Variants in HDAC9 observed in about 807,000 individuals in gnomAD.
The protein encoded by HDAC9 is histone deacetylase 9.
A neutral mutation model predicts 139.4 loss-of-function variants in HDAC9; 41 were observed. The ratio of observed to expected loss-of-function variants is 0.29; its 90% CI spans 0.23 to 0.38. HDAC9 has a LOEUF of 0.38. HDAC9 is among the 10% of genes least tolerant of loss of function. The pLI, the probability that HDAC9 is intolerant of heterozygous loss-of-function variation, is 1.00. For synonymous variants in HDAC9, 517 were observed against 476.2 expected, an observed-to-expected ratio of 1.09 and a Z score of -1.12; for missense variants, 1,147 against 1,297.0, an observed-to-expected ratio of 0.88 and a Z score of 1.78.
At chr7:18,345,816 C>T (rs568673918) in intron 1 of HDAC9, among the ~76,000 whole-genome samples, 1 of 151,724 alleles carries the variant, frequency 6.6e-6, no homozygotes, top group East Asian at 1.9e-4. Context: ...TTTTTTTCCC[C>T]TTTTACCTGT....
intron 24 of HDAC9, among the ~76,000 whole-genome samples, chr7:18,971,921 C>T (rs531270832): frequency 6.6e-6 from 1 of 152,322 alleles, no homozygotes; most frequent in Non-Finnish European, 1.5e-5. Context: ...GTCAGTCATT[C>T]TTCTTAAAGA....
intron 11 of HDAC9, among the ~76,000 whole-genome samples, chr7:18,660,463 G>A (rs1792759419): frequency 6.6e-6 from 1 of 152,228 alleles, no homozygotes; most frequent in Non-Finnish European, 1.5e-5. Context: ...TTGTTACTAA[G>A]CATTAATAAT....
At chr7:18,356,771 C>T (rs1385706542) in intron 1 of HDAC9, among the ~76,000 whole-genome samples, 6 of 151,864 alleles carry the variant, frequency 4.0e-5, no homozygotes, top group African/African-American at 1.4e-4. Flanking sequence ...CAGATCGCAT[C>T]GGAAGAATCC....
intron 1 of HDAC9, among the ~76,000 whole-genome samples, chr7:18,344,123 C>T (rs1429953481): frequency 6.6e-6 from 1 of 151,686 alleles, no homozygotes; most frequent in Non-Finnish European, 1.5e-5. Context: ...AGTTTCTTAG[C>T]ACATGTAATG....
intron 1 of HDAC9, among the ~76,000 whole-genome samples, chr7:18,404,568 T>A (rs567428732): frequency 2.4e-4 from 37 of 152,244 alleles, no homozygotes; most frequent in Non-Finnish European, 5.0e-4. Flanking sequence ...CTTCACTTTG[T>A]ATTCTTGAAA....
intron 2 of HDAC9, among the ~76,000 whole-genome samples, chr7:18,212,789 C>G (rs577491090): frequency 1.5e-4 from 23 of 152,284 alleles, no homozygotes; most frequent in Middle Eastern, 3.4e-3. Flanking sequence ...CAGCTGGAGA[C>G]TAAACCAAAG....
At position 18,673,672 on chromosome 7, in the gene HDAC9, G is replaced by T. The variant is rs547988676; in HGVS notation, c.1731+7196G>T. On this transcript the variant is annotated intron_variant, in intron 12 of 25. Transcript: ENST00000686413. ...TATTTGTATTTATGTTTCTGCTTTA[G>T]ATCGTCTTCATCTCATTTTGTATTT... 2.6e-5 allele frequency among the ~76,000 whole-genome samples: 4 copies of T among 152,046 alleles called. No individual in the cohort carries two copies. In the East Asian group the frequency reaches 7.8e-4, roughly 30 times the overall value.
chr7:18,097,682 C>T (rs1355596336), intron 1 of HDAC9, among the ~76,000 whole-genome samples: 1 of 152,148 alleles, frequency 6.6e-6, no homozygotes, highest in Non-Finnish European at 1.5e-5. Context: ...ATCCTCCTGC[C>T]TCAGCTTCCC....
In HDAC9 at chr7:18,666,327, A is replaced by C; in HGVS notation, c.1582A>C (p.Asn528His). 11 of 1,613,468 alleles carry C rather than the reference A, an allele frequency of 6.8e-6. No homozygotes were observed. The highest frequency in any genetic ancestry group is 8.5e-6 in the Non-Finnish European group (10 of 1,179,628). The change falls in exon 12 of 26, where the codon AAC becomes CAC. Residue 528 changes from asparagine to histidine, a missense_variant. Coordinates refer to ENST00000686413, the MANE Select transcript of HDAC9 (RefSeq NM_178425.4). Reference protein sequence around the residue: ...MQEDRAPSSGNSTRSDSSACV... With the variant: ...MQEDRAPSSGHSTRSDSSACV... ...GGAAGACAGAGCGCCCTCTAGTGGC[A>C]ACAGCACTAGGAGCGACAGCAGTGC...
chr7:18,104,899 C>A (rs1262599797), intron 1 of HDAC9, among the ~76,000 whole-genome samples: 1 of 151,872 alleles, frequency 6.6e-6, no homozygotes, highest in Non-Finnish European at 1.5e-5. Flanking sequence ...CCTTTTCCTC[C>A]CCCTTTGTTT....
chr7:18,157,804 TGAGAGAGA>T (rs67690215), intron 1 of HDAC9, among the ~76,000 whole-genome samples: 18,277 of 109,416 alleles, frequency 0.17, 1,391 homozygotes, highest in South Asian at 0.35. Context: ...TTCTAAGGCA[TGAGAGAGA>T]GAGAGAGAGA....
At chr7:18,124,090 C>T (rs1021656959) in intron 1 of HDAC9, among the ~76,000 whole-genome samples, 3 of 152,194 alleles carry the variant, frequency 2.0e-5, no homozygotes, top group African/African-American at 7.2e-5. Flanking sequence ...AAACACTGGC[C>T]ACCAAGAATC....
At chr7:18,190,547 C>G (rs1790271638) in intron 2 of HDAC9, among the ~76,000 whole-genome samples, 1 of 151,990 alleles carries the variant, frequency 6.6e-6, no homozygotes, top group African/African-American at 2.4e-5. Context: ...AAAAAGACCA[C>G]CCAATATTGC....
At chr7:18,822,285 C>T (rs932925022) in intron 17 of HDAC9, among the ~76,000 whole-genome samples, 2 of 152,162 alleles carry the variant, frequency 1.3e-5, no homozygotes, top group African/African-American at 4.8e-5. Flanking sequence ...ATCTCATTAA[C>T]ATACAAAAAG....
At chr7:18,149,116 G>A (rs1786559808) in intron 1 of HDAC9, among the ~76,000 whole-genome samples, 1 of 152,024 alleles carries the variant, frequency 6.6e-6, no homozygotes, top group Non-Finnish European at 1.5e-5. Context: ...ACTTTAAGAT[G>A]TTACCCAATT....
Position 18,235,976 on chromosome 7 carries a change from C to T in HDAC9, c.25+73627C>T, listed in dbSNP as rs910468510. 2.6e-5 allele frequency among the ~76,000 whole-genome samples: 4 copies of T among 152,164 alleles called. No homozygotes were observed. In the South Asian group the frequency reaches 8.3e-4, roughly 31 times the overall value. ...ATTAGTAGAGGTGCTTCTACAACTG[C>T]ACATTTCTTTGCATTATACTGTATG... On this transcript the variant is annotated intron_variant, in intron 2 of 12. Transcript: ENST00000417496.
intron 1 of HDAC9, among the ~76,000 whole-genome samples, chr7:18,148,305 T>C (rs1786499273): frequency 6.6e-6 from 1 of 152,182 alleles, no homozygotes; most frequent in Non-Finnish European, 1.5e-5. Flanking sequence ...TTTCCTTTTT[T>C]GGCTTCTAGA....
At chr7:18,979,292 C>T (rs975238143) in intron 25 of HDAC9, among the ~76,000 whole-genome samples, 10 of 152,026 alleles carry the variant, frequency 6.6e-5, no homozygotes, top group African/African-American at 2.4e-4. Context: ...ACATCAAAAA[C>T]CCCATTTTCC....
intron 2 of HDAC9, among the ~76,000 whole-genome samples, chr7:18,565,884 A>T (rs1822178402): frequency 6.6e-6 from 1 of 151,802 alleles, no homozygotes; most frequent in African/African-American, 2.4e-5. Context: ...GGCAACTTTA[A>T]TTGGCTTAGT....
Sources: allele counts gnomAD v4.1 joint callset (sites outside exome capture counted in the v4.1 genomes callset), GRCh38; gene constraint gnomAD v4.1.1; transcripts MANE v1.5; gene names NCBI Gene and HGNC (gene_info 2026-07-23, HGNC 2026-07-21).